HS6ST3: variants seen among roughly 807,000 people sequenced by gnomAD.
The protein encoded by HS6ST3 is heparan sulfate 6-O-sulfotransferase 3.
In HS6ST3, 12 loss-of-function variants were observed where a neutral mutation model predicts 36.7. That is an observed-to-expected ratio of 0.33 (90% confidence interval 0.21 to 0.53). HS6ST3 has a LOEUF of 0.53. Ranked by LOEUF, HS6ST3 falls within the 20% of genes least tolerant of loss-of-function variation. The pLI is 0.95. For synonymous variants in HS6ST3, 240 were observed against 257.5 expected, an observed-to-expected ratio of 0.93 and a Z score of 0.65; for missense variants, 584 against 640.9, an observed-to-expected ratio of 0.91 and a Z score of 0.96.
chr13:96,307,894 G>T (rs1171016660), intron 1 of HS6ST3, among the ~76,000 whole-genome samples: 1 of 152,024 alleles, frequency 6.6e-6, no homozygotes, highest in Non-Finnish European at 1.5e-5. Flanking sequence ...AAAGAAAACG[G>T]TTTTGACTTT....
At chr13:96,487,583 CCA>C in intron 1 of HS6ST3, among the ~76,000 whole-genome samples, 1 of 152,142 alleles carries the variant, frequency 6.6e-6, no homozygotes, top group East Asian at 1.9e-4. Flanking sequence ...CTGATGGCCT[CCA>C]GTTTTACCCA....
chr13:96,553,477 T>A (rs2138950084), intron 1 of HS6ST3, among the ~76,000 whole-genome samples: 1 of 152,248 alleles, frequency 6.6e-6, no homozygotes, highest in Non-Finnish European at 1.5e-5. Context: ...TCCAGGAGTG[T>A]TTATGGAAGG....
chr13:96,094,833 A>G (rs1402508193), intron 1 of HS6ST3, among the ~76,000 whole-genome samples: 4 of 152,304 alleles, frequency 2.6e-5, no homozygotes, highest in Non-Finnish European at 5.9e-5. Flanking sequence ...TACCTCTTGT[A>G]TCATATCACT....
intron 1 of HS6ST3, among the ~76,000 whole-genome samples, chr13:96,170,976 T>G (rs1306679056): frequency 1.3e-5 from 2 of 152,198 alleles, no homozygotes; most frequent in Non-Finnish European, 2.9e-5. Flanking sequence ...TGTACTGAAA[T>G]TATTTTAAAA....
intron 1 of HS6ST3, among the ~76,000 whole-genome samples, chr13:96,718,090 C>T (rs750780080): frequency 3.9e-5 from 6 of 152,154 alleles, no homozygotes; most frequent in Admixed American, 2.0e-4. Flanking sequence ...ATCCTACAAT[C>T]GTGGAGATGT....
rs1314489320 is a variant in HS6ST3 at position 96,832,536 on chromosome 13, C to T, written c.754C>T (p.Leu252=). 4 of 1,605,724 alleles carry T rather than the reference C, an allele frequency of 2.5e-6. No individual in the cohort carries two copies. Among genetic ancestry groups the T allele is most frequent in the Non-Finnish European group, 3.4e-6 (4 of 1,176,974 alleles). ...GTTACGGGATCCAGTGTCACGTTAC[C>T]TGAGCGAGTGGAAACATGTCCAGAG... ...TMLRDPVSRY[L]SEWKHVQRGA... Residue 252 remains leucine (L), a synonymous_variant, in exon 2 of 2, where the codon CTG becomes TTG. Coordinates refer to ENST00000376705, the MANE Select transcript of HS6ST3 (RefSeq NM_153456.4).
intron 1 of HS6ST3, among the ~76,000 whole-genome samples, chr13:96,313,701 T>C (rs7331682): frequency 0.9 from 136,526 of 152,230 alleles, 61,489 homozygotes; most frequent in African/African-American, 0.97. Flanking sequence ...ATTCCTATTA[T>C]CTTCTTAGCT....
intron 1 of HS6ST3, among the ~76,000 whole-genome samples, chr13:96,356,177 A>C (rs982944849): frequency 2.6e-5 from 4 of 152,154 alleles, no homozygotes; most frequent in Non-Finnish European, 5.9e-5. Context: ...AACTGTGGTT[A>C]CTTCCTCCAT....
At chr13:96,268,932 T>C (rs1410912087) in intron 1 of HS6ST3, among the ~76,000 whole-genome samples, 2 of 151,944 alleles carry the variant, frequency 1.3e-5, no homozygotes, top group Non-Finnish European at 1.5e-5. Context: ...GCCCATGAGC[T>C]AGCACCACTC....
chr13:96,325,703 C>G (rs2055027409), intron 1 of HS6ST3, among the ~76,000 whole-genome samples: 1 of 152,054 alleles, frequency 6.6e-6, no homozygotes, highest in South Asian at 2.1e-4. Context: ...TAATCTTAAA[C>G]ATTTAACATT....
At chr13:96,817,976 C>T (rs983536524) in intron 1 of HS6ST3, among the ~76,000 whole-genome samples, 9 of 152,156 alleles carry the variant, frequency 5.9e-5, no homozygotes, top group African/African-American at 2.2e-4. Context: ...CTTTGAAAGT[C>T]TTAAAGATTA....
At chr13:96,119,294 G>A (rs536284116) in intron 1 of HS6ST3, among the ~76,000 whole-genome samples, 1 of 152,074 alleles carries the variant, frequency 6.6e-6, no homozygotes, top group East Asian at 1.9e-4. Flanking sequence ...AGCCATTTAA[G>A]GGAATTTAAA....
At chr13:96,782,365 CTT>C (rs1877546532) in intron 1 of HS6ST3, among the ~76,000 whole-genome samples, 1 of 152,158 alleles carries the variant, frequency 6.6e-6, no homozygotes, top group Non-Finnish European at 1.5e-5. Flanking sequence ...GATAACTTTT[CTT>C]TGTTCCTAAT....
At chr13:96,325,909 T>C (rs961150392) in intron 1 of HS6ST3, among the ~76,000 whole-genome samples, 4 of 152,202 alleles carry the variant, frequency 2.6e-5, no homozygotes, top group African/African-American at 9.7e-5. Flanking sequence ...TATCGTAAGA[T>C]ATGGTAATAT....
At chr13:96,282,277 G>C (rs2054779498) in intron 1 of HS6ST3, among the ~76,000 whole-genome samples, 1 of 152,186 alleles carries the variant, frequency 6.6e-6, no homozygotes, top group Non-Finnish European at 1.5e-5. Flanking sequence ...TCAGTAGCCA[G>C]GAAGTCTGGT....
Position 96,091,340 on chromosome 13 carries a change from A to G in HS6ST3, c.478A>G (p.Thr160Ala). Residue 160 changes from threonine (T) to alanine (A), a missense_variant, in exon 1 of 2, where the codon ACT becomes GCT. Physicochemically the swap from Thr to Ala is moderately conservative, Grantham distance 58 (BLOSUM62 0). Around this residue, in one of 3 missense-constraint regions of HS6ST3, gnomAD observed 360 missense variants for 411.3 expected, o/e 0.88. Coordinates refer to ENST00000376705, the MANE Select transcript of HS6ST3 (RefSeq NM_153456.4). ...FLHIQKTGGT[T>A]FGRHLVKNIR... ...CCACATCCAGAAGACGGGGGGCACCACTTTCGGCCGGCACCTGGTGAAGAA... is the reference window on the plus strand; with the variant it reads ...CCACATCCAGAAGACGGGGGGCACCGCTTTCGGCCGGCACCTGGTGAAGAA... The G allele has an allele frequency of 6.2e-7, 1 of 1,614,090 alleles. No individual in the cohort carries two copies. Among genetic ancestry groups the G allele is most frequent in the Non-Finnish European group, 8.5e-7 (1 of 1,179,996 alleles).
At chr13:96,463,042 A>G (rs1344114409) in intron 1 of HS6ST3, among the ~76,000 whole-genome samples, 1 of 152,212 alleles carries the variant, frequency 6.6e-6, no homozygotes, top group African/African-American at 2.4e-5. Context: ...GTTCCTAGCT[A>G]GGAAGACATT....
At chr13:96,418,774 G>C (rs774427614) in intron 1 of HS6ST3, among the ~76,000 whole-genome samples, 7 of 152,214 alleles carry the variant, frequency 4.6e-5, no homozygotes, top group Non-Finnish European at 8.8e-5. Flanking sequence ...AGCTCTACCA[G>C]GTGGTAACAG....
At chr13:96,197,633 C>T (rs949656587) in intron 1 of HS6ST3, among the ~76,000 whole-genome samples, 4 of 152,188 alleles carry the variant, frequency 2.6e-5, no homozygotes, top group Admixed American at 2.6e-4. Context: ...AAATCAGAAG[C>T]AAGCTAGCTA....
Sources: gnomAD v4.1 joint callset for allele counts (sites outside exome capture counted in the v4.1 genomes callset) on GRCh38, gnomAD v4.1.1 for gene constraint, gnomAD v4.1.1 regional missense constraint, MANE v1.5 for transcripts, NCBI Gene and HGNC (gene_info 2026-07-23, HGNC 2026-07-21) for gene names.